The following ZNF565 variants were observed in gnomAD, a reference collection of about 807,000 sequenced individuals.
The protein encoded by ZNF565 is zinc finger protein 565.
ZNF565 carries 27 observed loss-of-function variants against 39.4 expected under a neutral mutation model. The ratio of observed to expected loss-of-function variants is 0.69; its 90% confidence interval spans 0.51 to 0.95. The LOEUF (loss-of-function observed/expected upper bound fraction) is 0.95. Ranked by LOEUF, ZNF565 falls within the 40% of genes least tolerant of loss-of-function variation. The pLI is 0.00. For synonymous variants in ZNF565, 185 were observed against 216.6 expected, an observed-to-expected ratio of 0.85 and a Z score of 1.28; for missense variants, 524 against 621.1, an observed-to-expected ratio of 0.84 and a Z score of 1.66.
chr19:36,208,499 C>T (rs1173291580), intron 1 of ZNF565, among the ~76,000 whole-genome samples: 2 of 152,130 alleles, frequency 1.3e-5, no homozygotes, highest in Non-Finnish European at 2.9e-5. Context: ...TGTGCCCAGC[C>T]AACAAGTTGA....
chr19:36,198,154 GA>G (rs972875654), intron 2 of ZNF565, among the ~76,000 whole-genome samples: 3 of 151,864 alleles, frequency 2.0e-5, no homozygotes, highest in African/African-American at 7.3e-5. Context: ...AGAAAGAAAG[GA>G]AATCAGTATA....
intron 1 of ZNF565, among the ~76,000 whole-genome samples, chr19:36,212,298 G>A (rs1976388249): frequency 6.6e-6 from 1 of 152,034 alleles, no homozygotes; most frequent in African/African-American, 2.4e-5. Context: ...AATTGGCTAG[G>A]CGTGTCAAAG....
At chr19:36,237,802 C>A (rs1977700101) in intron 1 of ZNF565, 1 of 167,014 alleles carries the variant, frequency 6.0e-6, no homozygotes, top group Admixed American at 6.6e-5. Flanking sequence ...CAAGTGGCAT[C>A]AGGAAATGAG....
At chr19:36,186,919 G>T (rs367952671) in intron 4 of ZNF565, among the ~76,000 whole-genome samples, 2 of 152,186 alleles carry the variant, frequency 1.3e-5, no homozygotes, top group East Asian at 3.9e-4. Flanking sequence ...GGCCGGGTGC[G>T]GTGACTCATG....
Position 36,241,604 on chromosome 19 carries a change from C to T in ZNF565, c.55+3872G>A, listed in dbSNP as rs1335977481. 4.6e-5 allele frequency among the ~76,000 whole-genome samples: 7 copies of T among 151,722 alleles called. No homozygotes were observed. The South Asian group carries it at 1.5e-3, about 32-fold the overall frequency. On this transcript the variant is annotated intron_variant, in intron 1 of 4. Coordinates refer to the ZNF565 transcript ENST00000355114. ...GGTCAGGAGTTCAAGATCAGCCTGG[C>T]CAACATGGTGAAACCCTGTCTACTA...
rs145725089 is a variant in ZNF565 at position 36,197,611 on chromosome 19, G to T, written c.10-2455C>A. Among the ~76,000 whole-genome samples the T allele has an allele frequency of 2.6e-5, 4 of 152,192 alleles. No individual in the cohort carries two copies. In the East Asian group the frequency reaches 5.8e-4, roughly 22 times the overall value. On this transcript the variant is annotated intron_variant, in intron 2 of 4. Transcript: ENST00000304116. ...TATGTTATGTCTTGTAAGATACGTC[G>T]ATTCCATTATTTTCGTGCACTTAGC...
At chr19:36,194,943 A>G (rs1975702589) in intron 3 of ZNF565, 87 bp downstream of exon 3, 1 of 1,601,336 alleles carries the variant, frequency 6.2e-7, no homozygotes, top group Non-Finnish European at 8.6e-7. Context: ...CTCCTCACCC[A>G]TTTAGGCAGA....
intron 1 of ZNF565, among the ~76,000 whole-genome samples, chr19:36,234,321 CT>C (rs1234049370): frequency 1.5e-5 from 1 of 64,960 alleles, no homozygotes; most frequent in Admixed American, 1.4e-4. Flanking sequence ...ATCTCTCTTT[CT>C]TTTCCCCACA....
chr19:36,188,160 G>T (rs1010837851), intron 4 of ZNF565, among the ~76,000 whole-genome samples: 2 of 150,974 alleles, frequency 1.3e-5, no homozygotes, highest in African/African-American at 4.9e-5. Context: ...TTCGAGCCCA[G>T]CCTGGCTAAC....
chr19:36,194,457 C>T, intron 3 of ZNF565, 129 bp from the exon 4 acceptor site: 1 of 623,574 alleles, frequency 1.6e-6, no homozygotes. Flanking sequence ...GAAGACCGAG[C>T]TGCCCAGCAG....
At chr19:36,228,608 C>T (rs1448539040) in intron 1 of ZNF565, 1 of 152,206 alleles carries the variant, frequency 6.6e-6, no homozygotes, top group African/African-American at 2.4e-5. Context: ...GGCAGAAGGT[C>T]ATTACTTTGT....
At position 36,205,555 on chromosome 19, in the gene ZNF565, T is replaced by C. The variant is rs141505570; in HGVS notation, c.-65-3505A>G. Among the ~76,000 whole-genome samples the C allele has an allele frequency of 2.7e-3, 403 of 152,048 alleles. 3 individuals are homozygous for C. The highest frequency in any genetic ancestry group is 9.0e-3 in the African/African-American group (373 of 41,480). On this transcript the variant is annotated intron_variant, in intron 1 of 4. Transcript: ENST00000304116. ...AAACAAAAAAGAAAGAAAAAGTAGG[T>C]TTTCACTTATTAATGAAATGGAAGG...
At chr19:36,185,126 A>T (rs1455897987) in intron 4 of ZNF565, among the ~76,000 whole-genome samples, 1 of 151,332 alleles carries the variant, frequency 6.6e-6, no homozygotes, top group African/African-American at 2.4e-5. Flanking sequence ...TCAGAAAAAA[A>T]AAAAAGGGCT....
chr19:36,184,827 T>C (rs549879428), intron 4 of ZNF565, among the ~76,000 whole-genome samples: 3 of 152,156 alleles, frequency 2.0e-5, no homozygotes, highest in Non-Finnish European at 4.4e-5. Flanking sequence ...CATTAAGAAT[T>C]AATTCCAAAG....
chr19:36,237,944 CATAT>C, intron 1 of ZNF565: 6 of 167,070 alleles, frequency 3.6e-5, no homozygotes. Flanking sequence ...TACTAAAATG[CATAT>C]GACCTTGGGA....
intron 1 of ZNF565, chr19:36,236,765 T>C (rs753060596): frequency 6.2e-7 from 1 of 1,614,134 alleles, no homozygotes; most frequent in Non-Finnish European, 8.5e-7. Flanking sequence ...CGGGAAAGCT[T>C]TCATTCAGAA....
intron 1 of ZNF565, among the ~76,000 whole-genome samples, chr19:36,241,802 A>AAAAT (rs1555744552): frequency 4.3e-5 from 6 of 139,452 alleles, no homozygotes; most frequent in Non-Finnish European, 6.2e-5. Context: ...AAAAAAAAAA[A>AAAAT]AGCTGGGACA....
chr19:36,236,956 A>G, intron 1 of ZNF565: 1 of 1,614,110 alleles, frequency 6.2e-7, no homozygotes, highest in Non-Finnish European at 8.5e-7. Context: ...AGTACCTCAT[A>G]AAACATCAGA....
chr19:36,215,198 TG>T (rs984872309), upstream of ZNF565: 2 of 151,600 alleles, frequency 1.3e-5, no homozygotes, highest in Non-Finnish European at 2.9e-5. Context: ...AAGTAGGAGG[TG>T]GGATCTGGGC....
Sources: gnomAD v4.1 joint callset for allele counts (sites outside exome capture counted in the v4.1 genomes callset) on GRCh38, gnomAD v4.1.1 for gene constraint, MANE v1.5 for transcripts, NCBI Gene and HGNC (gene_info 2026-07-23, HGNC 2026-07-21) for gene names.